The following ITPR1 variants were observed in gnomAD, a reference collection of about 807,000 sequenced individuals.
ITPR1 encodes inositol 1,4,5-trisphosphate receptor type 1, also known as inositol 1,4,5-trisphosphate-gated calcium channel ITPR1.
A neutral mutation model predicts 318.4 loss-of-function variants in ITPR1; 96 were observed. The observed-to-expected ratio is 0.30, with a 90% confidence interval of 0.26 to 0.36. The LOEUF is 0.36. Among genes scored for constraint, ITPR1 ranks in the 10% least tolerant of loss-of-function variants. The pLI is 1.00. For synonymous variants in ITPR1, 1,312 were observed against 1,289.9 expected, an observed-to-expected ratio of 1.02 and a Z score of -0.37; for missense variants, 2,440 against 3,460.2, an observed-to-expected ratio of 0.71 and a Z score of 7.40.
intron 40 of ITPR1, among the ~76,000 whole-genome samples, chr3:4,720,039 T>A (rs1489822602): frequency 6.6e-6 from 1 of 152,222 alleles, no homozygotes; most frequent in East Asian, 1.9e-4. Flanking sequence ...AGACACAGAA[T>A]GTTTCCATCA....
At chr3:4,644,980 A>T (rs770336611) in intron 8 of ITPR1, among the ~76,000 whole-genome samples, 1 of 152,254 alleles carries the variant, frequency 6.6e-6, no homozygotes, top group Non-Finnish European at 1.5e-5. Flanking sequence ...TGCTGTTGTT[A>T]ACAATGATCA....
chr3:4,781,947 C>A (rs1396999173), intron 49 of ITPR1, among the ~76,000 whole-genome samples: 1 of 152,190 alleles, frequency 6.6e-6, no homozygotes, highest in African/African-American at 2.4e-5. Context: ...TGTACCACTG[C>A]ACTCCAGCCT....
At chr3:4,494,367 C>T (rs1053852710) in intron 1 of ITPR1, 64 bp from the exon 2 acceptor site, 1 of 152,288 alleles carries the variant, frequency 6.6e-6, no homozygotes, top group Non-Finnish European at 1.5e-5. Flanking sequence ...TAATTTGGAG[C>T]ATTTCTGTTA....
At chr3:4,758,583 T>C (rs950409363) in intron 44 of ITPR1, among the ~76,000 whole-genome samples, 3 of 152,212 alleles carry the variant, frequency 2.0e-5, no homozygotes, top group African/African-American at 7.2e-5. Context: ...CATGGGTATA[T>C]GTCTAGGTCA....
chr3:4,559,599 G>C (rs77171884), intron 4 of ITPR1, among the ~76,000 whole-genome samples: 10,966 of 152,220 alleles, frequency 0.072, 539 homozygotes, highest in Non-Finnish European at 0.1. Flanking sequence ...AGTCTAATCA[G>C]AGAGGGCAGT....
At chr3:4,664,780 C>T (rs1242672661) in intron 16 of ITPR1, among the ~76,000 whole-genome samples, 3 of 152,214 alleles carry the variant, frequency 2.0e-5, no homozygotes, top group Admixed American at 6.5e-5. Flanking sequence ...TTATTCTTTC[C>T]ATTTTGCTGG....
At position 4,652,005 on chromosome 3, in the gene ITPR1, G is replaced by T; in HGVS notation, c.856-118G>T. On this transcript the variant is annotated intron_variant, in intron 10 of 61. Transcript: ENST00000649015. ...TGGCAATGGGTTTGTTGAAGATGCT[G>T]ATTTTCTTTTTCTAGCTTATAAACA... The T allele has an allele frequency of 3.8e-6, 3 of 795,404 alleles. No individual in the cohort carries two copies. The South Asian group carries it at 4.6e-5, about 12-fold the overall frequency. The allele number at this position is 795,404 out of a possible 1,614,324, so 49.3% of individuals were successfully genotyped here.
intron 46 of ITPR1, among the ~76,000 whole-genome samples, chr3:4,773,829 C>G (rs1391424461): frequency 6.6e-6 from 1 of 152,216 alleles, no homozygotes; most frequent in African/African-American, 2.4e-5. Flanking sequence ...CTCCCTCCAC[C>G]TCCCACCTGG....
chr3:4,808,470 G>C (rs2048729373), intron 55 of ITPR1, among the ~76,000 whole-genome samples: 1 of 152,220 alleles, frequency 6.6e-6, no homozygotes, highest in South Asian at 2.1e-4. Context: ...AGAAAGATAA[G>C]AGTAACTCTC....
At chr3:4,653,772 C>A in intron 11 of ITPR1, 70 bp from the exon 12 acceptor site, 1 of 1,141,714 alleles carries the variant, frequency 8.8e-7, no homozygotes. Context: ...CTTGAAGTCT[C>A]CTGCAAGTGG....
At chr3:4,776,735 C>A (rs1032026053) in intron 47 of ITPR1, among the ~76,000 whole-genome samples, 1 of 152,322 alleles carries the variant, frequency 6.6e-6, no homozygotes, top group East Asian at 1.9e-4. Flanking sequence ...AAGTTTGCTT[C>A]TCTGCCAAAT....
At position 4,509,897 on chromosome 3, in the gene ITPR1, C is replaced by T. The variant is rs1411774482; in HGVS notation, c.-16-6579C>T. The stretch of plus-strand genomic sequence containing the variant: ...ACTGCTTGCTCTATCCCAGGTACTA[C>T]CAGGTACTAGGATGCAACAGGAAAG... On this transcript the variant is annotated intron_variant, in intron 2 of 61. Transcript: ENST00000649015. Among the ~76,000 whole-genome samples, 3 of 152,190 alleles carry T rather than the reference C, an allele frequency of 2.0e-5. No individual in the cohort carries two copies. The South Asian group carries it at 6.2e-4, about 31-fold the overall frequency.
intron 42 of ITPR1, 21 bp from the exon 43 acceptor site, chr3:4,733,067 T>C (rs780157066): frequency 6.2e-7 from 1 of 1,607,844 alleles, no homozygotes; most frequent in East Asian, 2.2e-5. Flanking sequence ...AAGCTGATTT[T>C]ATTATCCTGT....
At chr3:4,505,201 C>T (rs1228574588) in intron 2 of ITPR1, among the ~76,000 whole-genome samples, 2 of 151,960 alleles carry the variant, frequency 1.3e-5, no homozygotes, top group Admixed American at 6.6e-5. Flanking sequence ...AGCTTTTTTC[C>T]CCTTGTTTTT....
intron 5 of ITPR1, among the ~76,000 whole-genome samples, chr3:4,638,072 G>A (rs1462634633): frequency 1.3e-5 from 2 of 152,154 alleles, no homozygotes; most frequent in African/African-American, 4.8e-5. Context: ...CAGTAAAGAG[G>A]ACAAGATAAT....
At chr3:4,829,762 T>A (rs1462342652) in intron 60 of ITPR1, among the ~76,000 whole-genome samples, 3 of 152,018 alleles carry the variant, frequency 2.0e-5, no homozygotes, top group African/African-American at 7.2e-5. Context: ...TTCTGTGGGT[T>A]TTCACCAATT....
At chr3:4,829,402 G>T (rs995812799) in intron 60 of ITPR1, among the ~76,000 whole-genome samples, 1 of 152,010 alleles carries the variant, frequency 6.6e-6, no homozygotes, top group Non-Finnish European at 1.5e-5. Context: ...CCTTGAATTT[G>T]GGGCTGGCCA....
intron 5 of ITPR1, among the ~76,000 whole-genome samples, chr3:4,637,668 G>A (rs2093230866): frequency 6.6e-6 from 1 of 152,202 alleles, no homozygotes; most frequent in African/African-American, 2.4e-5. Context: ...TACAGATGGG[G>A]TCAACTTGCA....
intron 14 of ITPR1, 49 bp downstream of exon 14, chr3:4,661,136 G>A (rs1004966372): frequency 2.7e-5 from 29 of 1,074,554 alleles, no homozygotes; most frequent in Non-Finnish European, 3.7e-5. Context: ...GTTTCCTAAT[G>A]AAAGGGCTCC....
Sources: gnomAD v4.1 joint callset for allele counts (sites outside exome capture counted in the v4.1 genomes callset) on GRCh38, gnomAD v4.1.1 for gene constraint, MANE v1.5 for transcripts, NCBI Gene and HGNC (gene_info 2026-07-23, HGNC 2026-07-21) for gene names.